CLEC9A: variants seen among roughly 807,000 people sequenced by gnomAD.
CLEC9A encodes C-type lectin domain containing 9A, also known as C-type lectin domain family 9 member A.
A neutral mutation model predicts 30.0 loss-of-function variants in CLEC9A; 24 were observed. That is an observed-to-expected ratio of 0.80 (90% CI 0.58 to 1.13). The LOEUF (loss-of-function observed/expected upper bound fraction) is 1.13, where lower values mean the gene tolerates loss of function less well. Among genes scored for constraint, CLEC9A ranks in the 50% most tolerant of loss-of-function variants. The pLI, the probability that CLEC9A is intolerant of heterozygous loss-of-function variation, is 0.00. For missense variants in CLEC9A, 251 were observed against 280.9 expected (o/e 0.89, Z 0.76); for synonymous variants, 111 against 96.8 (o/e 1.15, Z -0.86).
intron 6 of CLEC9A, among the ~76,000 whole-genome samples, chr12:10,062,250 A>C (rs994820893): frequency 6.6e-6 from 1 of 152,222 alleles, no homozygotes; most frequent in Non-Finnish European, 1.5e-5. Flanking sequence ...GGCCCATGGA[A>C]GCTACTGATG....
At chr12:10,043,870 CG>C (rs1472857008) in intron 2 of CLEC9A, among the ~76,000 whole-genome samples, 2 of 151,916 alleles carry the variant, frequency 1.3e-5, no homozygotes, top group East Asian at 3.9e-4. Context: ...TAGTAGAGAT[CG>C]GGTTTCAGCA....
chr12:10,044,869 G>A (rs959290871), intron 2 of CLEC9A, among the ~76,000 whole-genome samples: 3 of 152,090 alleles, frequency 2.0e-5, no homozygotes, highest in Non-Finnish European at 4.4e-5. Context: ...GAACAACTTT[G>A]TCACATAGTT....
At chr12:10,040,442 T>C (rs897339373) in intron 1 of CLEC9A, among the ~76,000 whole-genome samples, 3 of 151,312 alleles carry the variant, frequency 2.0e-5, no homozygotes, top group East Asian at 3.9e-4. Flanking sequence ...AAACTCTTCA[T>C]ACATTGGCAA....
Position 10,063,155 on chromosome 12 carries a change from T to A in CLEC9A, c.420T>A (p.Asn140Lys). ...IWSIWHTSQE[N>K]CLKEGSTLLQ... ...GCATTTGGCACACCAGTCAAGAGAA[T>A]TGTTTAAAGGAAGGTTCCACGCTGC... Residue 140 changes from asparagine to lysine, a missense_variant, in exon 7 of 9, where the codon AAT (asparagine) becomes AAA (lysine). Asn to Lys is a moderately conservative substitution (Grantham distance 94). Coordinates refer to ENST00000355819, the MANE Select transcript of CLEC9A (RefSeq NM_207345.4). 1 of 1,611,618 alleles carries A rather than the reference T, an allele frequency of 6.2e-7. No individual in the cohort carries two copies. Among genetic ancestry groups the A allele is most frequent in the Non-Finnish European group, 8.5e-7 (1 of 1,179,108 alleles).
At chr12:10,038,583 T>G (rs532791466) in intron 1 of CLEC9A, among the ~76,000 whole-genome samples, 30 of 152,266 alleles carry the variant, frequency 2.0e-4, no homozygotes, top group Admixed American at 7.8e-4. Flanking sequence ...AAGGGAAGCT[T>G]TACTGCTCAT....
Position 10,063,223 on chromosome 12 carries a change from G to A in CLEC9A, c.471+17G>A. The A allele has an allele frequency of 6.4e-7, 1 of 1,551,094 alleles. No homozygotes were observed. The highest frequency in any genetic ancestry group is 8.7e-7 in the Non-Finnish European group (1 of 1,154,828). ...GAAGAAATGGTAAACACTGTTTTGT[G>A]GTCTCATGTTATTCTGAAAATATCA... On this transcript the variant is annotated intron_variant, in intron 7 of 8. Transcript: ENST00000355819.
At chr12:10,054,132 T>C (rs1865919217) in intron 4 of CLEC9A, 139 bp from the exon 5 acceptor site, 2 of 672,198 alleles carry the variant, frequency 3.0e-6, no homozygotes, top group Admixed American at 3.2e-5. Context: ...CCTTTTCTTT[T>C]ACACATCCCA....
intron 3 of CLEC9A, 153 bp from the exon 4 acceptor site, chr12:10,052,477 T>C: frequency 8.0e-7 from 1 of 1,242,936 alleles, no homozygotes. Flanking sequence ...CATTTCCTTT[T>C]TCACCAAGTT....
At chr12:10,034,756 G>A (rs1370942307) in intron 1 of CLEC9A, among the ~76,000 whole-genome samples, 1 of 152,164 alleles carries the variant, frequency 6.6e-6, no homozygotes, top group African/African-American at 2.4e-5. Context: ...CAGGCTGTGG[G>A]GCTCCGGCCC....
At chr12:10,055,862 GT>G (rs1865937842) in intron 5 of CLEC9A, among the ~76,000 whole-genome samples, 1 of 151,802 alleles carries the variant, frequency 6.6e-6, no homozygotes, top group African/African-American at 2.4e-5. Flanking sequence ...TTCAAGACCA[GT>G]CTGGCCAACA....
intron 1 of CLEC9A, among the ~76,000 whole-genome samples, chr12:10,031,565 C>A (rs753472942): frequency 1.3e-5 from 2 of 152,204 alleles, no homozygotes; most frequent in Non-Finnish European, 2.9e-5. Context: ...GTGTCCAGTG[C>A]CCCCCACCAT....
In CLEC9A at chr12:10,065,626, T is replaced by C; in HGVS notation, c.720T>C (p.Ser240=). 1 of 1,613,688 alleles carries C rather than the reference T, an allele frequency of 6.2e-7. No individual in the cohort carries two copies. The highest frequency in any genetic ancestry group is 8.5e-7 in the Non-Finnish European group (1 of 1,179,728). ...FICEKYALRS[S]V ...GTGAGAAGTATGCGTTGAGATCCTC[T>C]GTCTGAAAGAAATTGTGTTCAAAGT... The change falls in exon 9 of 9, where the codon TCT becomes TCC. Residue 240 remains serine, a synonymous_variant. Transcript: ENST00000355819.
chr12:10,061,356 T>A, intron 6 of CLEC9A, 83 bp downstream of exon 6: 1 of 1,370,878 alleles, frequency 7.3e-7, no homozygotes, highest in South Asian at 1.5e-5. Context: ...ACACATTTTG[T>A]TCTCTGCAAA....
chr12:10,030,964 G>C lies in CLEC9A; in HGVS notation c.-326G>C, dbSNP rs1001571724. On this transcript the variant is annotated 5_prime_UTR_variant, in exon 1 of 9. Coordinates refer to ENST00000355819, the MANE Select transcript of CLEC9A (RefSeq NM_207345.4). ...ATGATTCAAACTGATGATACTCTCT[G>C]CAGAAGAGGTAAGAACCACTGGCAG... 1.3e-5 allele frequency: 2 copies of C among 152,144 alleles called. No homozygotes were observed. The highest frequency in any genetic ancestry group is 4.8e-5 in the African/African-American group (2 of 41,426). 9.4% of individuals were successfully genotyped at this position (152,144 alleles called of 1,614,324 possible). A position where few individuals can be genotyped will look rare whatever the true frequency, so the allele number is the denominator to read the frequency against.
chr12:10,065,143 AG>A (rs1866032196), intron 8 of CLEC9A, among the ~76,000 whole-genome samples: 1 of 152,182 alleles, frequency 6.6e-6, no homozygotes, highest in Non-Finnish European at 1.5e-5. Flanking sequence ...TAATGTTTAG[AG>A]AATAACTATT....
intron 1 of CLEC9A, chr12:10,040,736 C>G (rs1865788052): frequency 6.4e-6 from 1 of 155,142 alleles, no homozygotes; most frequent in African/African-American, 2.4e-5. Flanking sequence ...AGGCATGAGC[C>G]ACCGCACCCG....
chr12:10,054,447 A>G, intron 5 of CLEC9A, 96 bp downstream of exon 5: 1 of 778,152 alleles, frequency 1.3e-6, no homozygotes, highest in South Asian at 1.9e-5. Flanking sequence ...ATGTGAATGC[A>G]CATAAATGAT....
intron 1 of CLEC9A, among the ~76,000 whole-genome samples, chr12:10,040,583 G>A (rs750728835): frequency 2.0e-5 from 3 of 150,986 alleles, no homozygotes; most frequent in African/African-American, 7.3e-5. Context: ...CCCGAGTAGC[G>A]GGGACTACAG....
chr12:10,043,609 AGTGTGTGT>A (rs34659428), intron 2 of CLEC9A, among the ~76,000 whole-genome samples: 9 of 144,044 alleles, frequency 6.2e-5, no homozygotes, highest in Non-Finnish European at 1.2e-4. Context: ...ACCATGGAAC[AGTGTGTGT>A]GTGTGTGTGT....
Sources: gnomAD v4.1 joint callset for allele counts (sites outside exome capture counted in the v4.1 genomes callset) on GRCh38, gnomAD v4.1.1 for gene constraint, MANE v1.5 for transcripts, NCBI Gene and HGNC (gene_info 2026-07-23, HGNC 2026-07-21) for gene names.